The following TMEM132C variants were observed in gnomAD, a reference collection of about 807,000 sequenced individuals.
The protein encoded by TMEM132C is protein phosphatase 1, regulatory subunit 152.
In TMEM132C, 29 loss-of-function variants were observed where a neutral mutation model predicts 61.4. That is an observed-to-expected ratio of 0.47 (90% CI 0.35 to 0.64). The LOEUF (loss-of-function observed/expected upper bound fraction) is 0.64. Ranked by LOEUF, TMEM132C falls within the 30% of genes least tolerant of loss-of-function variation. The pLI is 0.00. For missense variants in TMEM132C, 1,408 were observed against 1,476.9 expected (o/e 0.95, Z 0.76); for synonymous variants, 656 against 633.1 (o/e 1.04, Z -0.54).
intron 1 of TMEM132C, among the ~76,000 whole-genome samples, chr12:128,276,894 G>GCACA (rs71069547): frequency 0.071 from 10,655 of 149,974 alleles, 747 homozygotes; most frequent in African/African-American, 0.18. Flanking sequence ...GTGCGTGCAT[G>GCACA]CACACACACA....
In TMEM132C at chr12:128,392,058, C is replaced by CTCCCTT. The variant is rs1412821400; in HGVS notation, c.86-22672_86-22671insCCTTTC. ...CTCTGCTCTCTCTGTCTCTGTCTCTCTCTCTTTCTCTCTCTCTCTCTCTCT... is the reference window on the plus strand; with the variant it reads ...CTCTGCTCTCTCTGTCTCTGTCTCTCTCCCTTTCTCTTTCTCTCTCTCTCTCTCTCT... On this transcript the variant is annotated intron_variant, in intron 1 of 8. Coordinates refer to ENST00000435159, the MANE Select transcript of TMEM132C (RefSeq NM_001136103.3). Among the ~76,000 whole-genome samples, 5 of 73,578 alleles carry CTCCCTT rather than the reference C, an allele frequency of 6.8e-5. No individual in the cohort carries two copies. In the East Asian group the frequency reaches 1.6e-3, roughly 24 times the overall value. 48.3% of individuals were successfully genotyped at this position (73,578 alleles called of 152,430 possible).
chr12:128,466,709 G>T (rs748494976), intron 2 of TMEM132C, among the ~76,000 whole-genome samples: 6 of 152,074 alleles, frequency 3.9e-5, no homozygotes, highest in Admixed American at 1.3e-4. Context: ...GTAGAGATAG[G>T]GTTTCACCAT....
intron 1 of TMEM132C, among the ~76,000 whole-genome samples, chr12:128,345,134 C>T (rs780249781): frequency 2.6e-5 from 4 of 152,042 alleles, no homozygotes; most frequent in Admixed American, 6.6e-5. Context: ...TTAGCTCCCA[C>T]CTATAACTGA....
intron 4 of TMEM132C, among the ~76,000 whole-genome samples, chr12:128,654,977 C>T (rs1954309762): frequency 6.6e-6 from 1 of 152,224 alleles, no homozygotes; most frequent in Admixed American, 6.5e-5. Context: ...CGGGGTCTCC[C>T]TGCTCCTACC....
chr12:128,468,209 G>A (rs2136077167), intron 2 of TMEM132C, among the ~76,000 whole-genome samples: 1 of 152,336 alleles, frequency 6.6e-6, no homozygotes, highest in African/African-American at 2.4e-5. Flanking sequence ...AGGATGATGG[G>A]AGTTAGAAGC....
chr12:128,545,264 C>T (rs1286607361), intron 3 of TMEM132C, among the ~76,000 whole-genome samples: 1 of 152,170 alleles, frequency 6.6e-6, no homozygotes, highest in African/African-American at 2.4e-5. Flanking sequence ...AGGATAATGG[C>T]CTCCAGCTGC....
At chr12:128,691,492 T>C (rs1954718937) in intron 5 of TMEM132C, among the ~76,000 whole-genome samples, 1 of 152,226 alleles carries the variant, frequency 6.6e-6, no homozygotes, top group African/African-American at 2.4e-5. Context: ...TGTCCAGCTA[T>C]CTACCCATTT....
In TMEM132C at chr12:128,570,163, TGAAA is replaced by T. The variant is rs1322866874; in HGVS notation, c.1121+26069_1121+26072del. On this transcript the variant is annotated intron_variant, in intron 3 of 8. Coordinates refer to ENST00000435159, the MANE Select transcript of TMEM132C (RefSeq NM_001136103.3). This position sits in a 1 kb window ranked among gnomAD's most constrained non-coding sequence, Gnocchi z 4.7. ...TTAGCACCAGAGAGGAGTGGAAAGG[TGAAA>T]GAAAGAAAATTCAAGGGCTGAAAAA... 6.6e-6 allele frequency among the ~76,000 whole-genome samples: 1 copy of T among 151,434 alleles called. No individual in the cohort carries two copies. Among genetic ancestry groups the T allele is most frequent in the Non-Finnish European group, 1.5e-5 (1 of 67,864 alleles).
At chr12:128,611,419 T>A (rs1038424264) in intron 3 of TMEM132C, among the ~76,000 whole-genome samples, 2 of 152,226 alleles carry the variant, frequency 1.3e-5, no homozygotes, top group Non-Finnish European at 2.9e-5. Context: ...AGGCCTAATG[T>A]TGACAACACA....
chr12:128,482,834 C>T (rs1172638749), intron 2 of TMEM132C, among the ~76,000 whole-genome samples: 1 of 152,134 alleles, frequency 6.6e-6, no homozygotes, highest in Non-Finnish European at 1.5e-5. Flanking sequence ...TCCCACAATG[C>T]TTATCTCCCA....
intron 2 of TMEM132C, among the ~76,000 whole-genome samples, chr12:128,438,486 C>G (rs1869673552): frequency 6.6e-6 from 1 of 152,132 alleles, no homozygotes; most frequent in Admixed American, 6.5e-5. Context: ...ATGCCCAATC[C>G]TGAACTTTCC....
intron 3 of TMEM132C, among the ~76,000 whole-genome samples, chr12:128,555,822 C>T (rs534335942): frequency 6.6e-6 from 1 of 152,120 alleles, no homozygotes; most frequent in East Asian, 1.9e-4. Context: ...TCAGGTGATC[C>T]TCCCATATCA....
intron 2 of TMEM132C, among the ~76,000 whole-genome samples, chr12:128,512,547 A>G (rs1189489189): frequency 6.6e-6 from 1 of 152,224 alleles, no homozygotes; most frequent in Non-Finnish European, 1.5e-5. Flanking sequence ...GTTATTAAAA[A>G]GAATGCTTCC....
At chr12:128,384,767 G>A (rs187156040) in intron 1 of TMEM132C, among the ~76,000 whole-genome samples, 3 of 152,172 alleles carry the variant, frequency 2.0e-5, no homozygotes, top group African/African-American at 7.2e-5. Context: ...GGCACTAAAG[G>A]CTGGCTTAGT....
At chr12:128,701,543 C>A (rs1346445680) in intron 8 of TMEM132C, among the ~76,000 whole-genome samples, 1 of 152,226 alleles carries the variant, frequency 6.6e-6, no homozygotes, top group Admixed American at 6.5e-5. Flanking sequence ...TGCTAGCATT[C>A]TTCCTTGGTC....
intron 4 of TMEM132C, among the ~76,000 whole-genome samples, chr12:128,629,267 C>G (rs1954045718): frequency 6.6e-6 from 1 of 152,104 alleles, no homozygotes; most frequent in Admixed American, 6.5e-5. Flanking sequence ...ATAATTCCAG[C>G]ACTTCAGGAG....
Position 128,706,201 on chromosome 12 carries a change from A to G in TMEM132C, c.3233A>G (p.Asn1078Ser). The change falls in exon 9 of 9, where the codon AAT becomes AGT. Residue 1078 changes from asparagine (N) to serine (S), a missense_variant. Physicochemically the swap from Asn to Ser is conservative, Grantham distance 46. Transcript: ENST00000435159. ...CPTVNSIVSS[N>S]DEDIKWVCQD... ...ACGGTGAACTCCATCGTCAGCAGCA[A>G]TGATGAGGACATCAAATGGGTGTGT... The G allele has an allele frequency of 6.4e-7, 1 of 1,551,800 alleles. No individual in the cohort carries two copies. The highest frequency in any genetic ancestry group is 1.2e-5 in the South Asian group (1 of 84,064).
intron 2 of TMEM132C, among the ~76,000 whole-genome samples, chr12:128,489,242 A>G (rs1407359787): frequency 1.3e-5 from 2 of 152,102 alleles, no homozygotes; most frequent in Non-Finnish European, 2.9e-5. Flanking sequence ...TATTCACACC[A>G]GGATGCCAAC....
Position 128,385,668 on chromosome 12 carries a change from G to A in TMEM132C, c.86-29064G>A, listed in dbSNP as rs184105727. On this transcript the variant is annotated intron_variant, in intron 1 of 8. Transcript: ENST00000435159. The stretch of plus-strand genomic sequence containing the variant: ...TCCTTTAAGTCATTGGAGGAGAACA[G>A]GGAGTAAGGAAATGAGAAACCATCT... Among the ~76,000 whole-genome samples the A allele has an allele frequency of 4.8e-3, 735 of 152,290 alleles. 6 individuals carry two copies. The highest frequency in any genetic ancestry group is 0.015 in the South Asian group (71 of 4,828).
Sources: allele counts gnomAD v4.1 joint callset (sites outside exome capture counted in the v4.1 genomes callset), GRCh38; gene constraint gnomAD v4.1.1; non-coding constraint Gnocchi (gnomAD v3.1); transcripts MANE v1.5; gene names NCBI Gene and HGNC (gene_info 2026-07-23, HGNC 2026-07-21).